Variants in CSMD1 observed in about 807,000 individuals in gnomAD.
The protein encoded by CSMD1 is CUB and sushi domain-containing protein 1.
A neutral mutation model predicts 417.5 loss-of-function variants in CSMD1; 213 were observed. The ratio of observed to expected loss-of-function variants is 0.51; its 90% CI spans 0.46 to 0.57. The LOEUF is 0.57. Among genes scored for constraint, CSMD1 ranks in the 20% least tolerant of loss-of-function variants. The pLI is 0.00. For synonymous variants in CSMD1, 2,862 were observed against 1,736.8 expected, an observed-to-expected ratio of 1.65 and a Z score of -16.11; for missense variants, 6,923 against 4,529.7, an observed-to-expected ratio of 1.53 and a Z score of -15.17.
intron 7 of CSMD1, among the ~76,000 whole-genome samples, chr8:3,681,295 A>C (rs1418138184): frequency 6.6e-6 from 1 of 152,174 alleles, no homozygotes; most frequent in Admixed American, 6.6e-5. Flanking sequence ...AAACCCCATC[A>C]TCTCAGCACA....
Position 4,047,262 on chromosome 8 carries a change from T to G in CSMD1, c.416-15163A>C, listed in dbSNP as rs557914029. ...CAAAGTCATCTAAGTGGTAGGCACA[T>G]GTATTCTGGAGTGGGAGGAAGGGAG... On this transcript the variant is annotated intron_variant, in intron 3 of 69. Transcript: ENST00000635120. Among the ~76,000 whole-genome samples, 9 of 152,166 alleles carry G rather than the reference T, an allele frequency of 5.9e-5. No homozygotes were observed. In the East Asian group the frequency reaches 9.7e-4, roughly 16 times the overall value.
chr8:3,896,717 A>T (rs1342442097), intron 5 of CSMD1, among the ~76,000 whole-genome samples: 1 of 152,064 alleles, frequency 6.6e-6, no homozygotes, highest in East Asian at 1.9e-4. Flanking sequence ...TCACCACATT[A>T]GCCAGGATGG....
chr8:3,775,304 T>C (rs900456145), intron 5 of CSMD1, among the ~76,000 whole-genome samples: 3 of 152,136 alleles, frequency 2.0e-5, no homozygotes, highest in Non-Finnish European at 4.4e-5. Flanking sequence ...AGAAGATGAA[T>C]CCAGGAGTGA....
Position 3,071,560 on chromosome 8 carries a change from T to G in CSMD1, c.7474+15537A>C, listed in dbSNP as rs143767547. 7.4e-3 allele frequency among the ~76,000 whole-genome samples: 1,121 copies of G among 152,208 alleles called. 16 individuals carry two copies. The highest frequency in any genetic ancestry group is 0.025 in the African/African-American group (1,050 of 41,546). On this transcript the variant is annotated intron_variant, in intron 49 of 69. Transcript: ENST00000635120. ...TATGTCTAACATACATTTTTAAAAA[T>G]AGAAACTCAAGCCATATGCCCCAAA...
chr8:4,130,838 T>C (rs1235862719), intron 3 of CSMD1, among the ~76,000 whole-genome samples: 2 of 151,440 alleles, frequency 1.3e-5, no homozygotes, highest in Non-Finnish European at 2.9e-5. Flanking sequence ...CTATGTGCTA[T>C]ATTATATATA....
intron 3 of CSMD1, among the ~76,000 whole-genome samples, chr8:4,105,692 C>A (rs1019212896): frequency 6.6e-6 from 1 of 152,178 alleles, no homozygotes; most frequent in African/African-American, 2.4e-5. Flanking sequence ...GTCATATTAG[C>A]CTAGGCTGGG....
At chr8:4,741,022 A>G (rs1238726257) in intron 1 of CSMD1, among the ~76,000 whole-genome samples, 1 of 152,170 alleles carries the variant, frequency 6.6e-6, no homozygotes, top group Non-Finnish European at 1.5e-5. Context: ...CTAGAACCGA[A>G]AGTCCTAGTA....
chr8:4,787,833 A>G (rs1797488490), intron 1 of CSMD1: 4 of 1,570,714 alleles, frequency 2.5e-6, no homozygotes, highest in East Asian at 4.5e-5. Context: ...CTATATTTGA[A>G]ATGCTGGAGA....
chr8:4,477,505 G>C (rs921662787), intron 2 of CSMD1, among the ~76,000 whole-genome samples: 1 of 152,176 alleles, frequency 6.6e-6, no homozygotes, highest in African/African-American at 2.4e-5. Flanking sequence ...GCAGCATTAC[G>C]TGAGTGGCCT....
chr8:4,516,590 G>C (rs776945243), intron 2 of CSMD1, among the ~76,000 whole-genome samples: 1 of 152,094 alleles, frequency 6.6e-6, no homozygotes, highest in East Asian at 1.9e-4. Context: ...AGCTTGTGTT[G>C]TATGGGGTCT....
intron 3 of CSMD1, among the ~76,000 whole-genome samples, chr8:4,261,379 G>C (rs1450108210): frequency 1.3e-5 from 2 of 152,110 alleles, no homozygotes; most frequent in Non-Finnish European, 2.9e-5. Flanking sequence ...ATAGAGATTA[G>C]AATCAGAATG....
At chr8:3,426,133 A>G (rs934617186) in intron 12 of CSMD1, among the ~76,000 whole-genome samples, 2 of 152,176 alleles carry the variant, frequency 1.3e-5, no homozygotes, top group African/African-American at 2.4e-5. Flanking sequence ...CCAAATTTGT[A>G]TTGTCCTATC....
intron 18 of CSMD1, among the ~76,000 whole-genome samples, chr8:3,370,344 G>C (rs533037477): frequency 6.6e-6 from 1 of 152,316 alleles, no homozygotes; most frequent in South Asian, 2.1e-4. Flanking sequence ...AAAGGCAACT[G>C]CCGTTCATGC....
At chr8:4,914,305 G>A (rs563675635) in intron 1 of CSMD1, among the ~76,000 whole-genome samples, 4 of 152,208 alleles carry the variant, frequency 2.6e-5, no homozygotes, top group South Asian at 2.1e-4. Context: ...GGCCGGGTGC[G>A]GTGGCTCACA....
chr8:4,220,547 C>G (rs1239435904), intron 3 of CSMD1, among the ~76,000 whole-genome samples: 1 of 152,152 alleles, frequency 6.6e-6, no homozygotes, highest in Non-Finnish European at 1.5e-5. Context: ...CATTACTAAA[C>G]AATTTTAGGT....
At chr8:4,330,552 A>C (rs376886320) in intron 3 of CSMD1, among the ~76,000 whole-genome samples, 12 of 151,926 alleles carry the variant, frequency 7.9e-5, no homozygotes, top group African/African-American at 2.7e-4. Context: ...ATCACACCAC[A>C]GCACTTCAGC....
chr8:3,865,343 C>T lies in CSMD1; in HGVS notation c.819-111301G>A, dbSNP rs191959401. On this transcript the variant is annotated intron_variant, in intron 5 of 69. Transcript: ENST00000635120. ...TTTTTAATCTGTAAACTCTGAAATG[C>T]TCTTGCTGGTATGAAACTGGGTTTG... Among the ~76,000 whole-genome samples, 36 of 152,284 alleles carry T rather than the reference C, an allele frequency of 2.4e-4. No homozygotes were observed. The East Asian group carries it at 6.6e-3, about 28-fold the overall frequency.
intron 1 of CSMD1, among the ~76,000 whole-genome samples, chr8:4,652,009 G>A (rs1356735186): frequency 6.6e-6 from 1 of 152,186 alleles, no homozygotes; most frequent in South Asian, 2.1e-4. Flanking sequence ...TTAGAAAAAT[G>A]TCTAAGTCTC....
intron 1 of CSMD1, among the ~76,000 whole-genome samples, chr8:4,778,974 A>T (rs1299847564): frequency 6.6e-6 from 1 of 152,222 alleles, no homozygotes; most frequent in Non-Finnish European, 1.5e-5. Context: ...AATGTTTAGA[A>T]AGAATTGATA....
Sources: gnomAD v4.1 joint callset for allele counts (sites outside exome capture counted in the v4.1 genomes callset) on GRCh38, gnomAD v4.1.1 for gene constraint, MANE v1.5 for transcripts, NCBI Gene and HGNC (gene_info 2026-07-23, HGNC 2026-07-21) for gene names.